KCNQ1OT1: variants seen among roughly 807,000 people sequenced by gnomAD.
The protein encoded by KCNQ1OT1 is KCNQ1 antisense RNA 2 (non-protein coding).
chr11:2,660,735 A>T, exon 1 of KCNQ1OT1: 1 of 398,646 alleles, frequency 2.5e-6, no homozygotes, highest in Non-Finnish European at 4.4e-6. Context: ...CACTTCATTC[A>T]GGCATGGATG....
chr11:2,667,200 C>T (rs1356637139), exon 1 of KCNQ1OT1: 7 of 398,750 alleles, frequency 1.8e-5, no homozygotes, highest in East Asian at 3.6e-5. Context: ...GTGGCGGCCC[C>T]CCGTGGCCCC....
rs780987577 is a variant in KCNQ1OT1 at position 2,674,094 on chromosome 11, G to A, written n.25901C>T. 2.3e-5 allele frequency: 9 copies of A among 398,590 alleles called. No homozygotes were observed. Among genetic ancestry groups the A allele is most frequent in the East Asian group, 2.1e-4 (6 of 28,080 alleles). 24.7% of individuals were successfully genotyped at this position (398,590 alleles called of 1,614,324 possible). ...GGGGCTTGGGCTAGGTCTCCCTGCCGGTGGGGAGGGAGGTGTGGAAGCTGG... is the reference window on the plus strand; with the variant it reads ...GGGGCTTGGGCTAGGTCTCCCTGCCAGTGGGGAGGGAGGTGTGGAAGCTGG... On this transcript the variant is annotated non_coding_transcript_exon_variant, in exon 1 of 1. Coordinates refer to ENST00000597346, the Ensembl canonical transcript of KCNQ1OT1. The surrounding 1 kb of genome is among the most constrained non-coding windows in gnomAD (Gnocchi z 5.9).
Position 2,645,996 on chromosome 11 carries a change from G to T in KCNQ1OT1, n.53999C>A, listed in dbSNP as rs2133836017. The T allele has an allele frequency of 2.5e-6, 1 of 398,648 alleles. No individual in the cohort carries two copies. The highest frequency in any genetic ancestry group is 1.3e-4 in the South Asian group (1 of 7,854). The allele number at this position is 398,648 out of a possible 1,614,324, so 24.7% of individuals were successfully genotyped here. On this transcript the variant is annotated non_coding_transcript_exon_variant, in exon 1 of 1. Transcript: ENST00000597346. The surrounding 1 kb of genome is among the most constrained non-coding windows in gnomAD (Gnocchi z 5.8). ...CTAGGATTTCAGGAGTCTGCTGTGG[G>T]AATGTGGACCACTAGGGGCTCACTT...
At chr11:2,660,168 G>A (rs994895450) in exon 1 of KCNQ1OT1, 4 of 397,774 alleles carry the variant, frequency 1.0e-5, no homozygotes, top group Admixed American at 8.8e-5. Context: ...GATATTTTAT[G>A]GTTTTATGTT....
At chr11:2,660,142 C>G in exon 1 of KCNQ1OT1, 1 of 398,272 alleles carries the variant, frequency 2.5e-6, no homozygotes, top group African/African-American at 2.1e-5. Context: ...GAGATTTTCT[C>G]TTATGTTTTC....
chr11:2,651,153 A>G lies in KCNQ1OT1; in HGVS notation n.48842T>C, dbSNP rs983494705. 7.5e-6 allele frequency: 3 copies of G among 398,598 alleles called. No homozygotes were observed. Among genetic ancestry groups the G allele is most frequent in the African/African-American group, 6.2e-5 (3 of 48,638 alleles). 24.7% of individuals were successfully genotyped at this position (398,598 alleles called of 1,614,324 possible). A position where few individuals can be genotyped will look rare whatever the true frequency, so the allele number is the denominator to read the frequency against. On this transcript the variant is annotated non_coding_transcript_exon_variant, in exon 1 of 1. Transcript: ENST00000597346. The surrounding 1 kb of genome is among the most constrained non-coding windows in gnomAD (Gnocchi z 6.1). ...CAGCTCAAGGGAGTTCTTTAAATGT[A>G]CAGTGGATCTTGCTGCTTCCCTACT...
At chr11:2,692,457 A>G (rs1239275763) in exon 1 of KCNQ1OT1, 4 of 398,570 alleles carry the variant, frequency 1.0e-5, no homozygotes, top group Non-Finnish European at 1.8e-5. Flanking sequence ...GTCTTGCTTA[A>G]TCCTGCAGCT....
chr11:2,646,703 A>C (rs1444419195), exon 1 of KCNQ1OT1: 4 of 398,380 alleles, frequency 1.0e-5, no homozygotes, highest in African/African-American at 4.1e-5. Context: ...TTTTGTACTG[A>C]TGAGGTTTTG....
Position 2,651,679 on chromosome 11 carries a change from C to G in KCNQ1OT1, n.48316G>C, listed in dbSNP as rs1169338588. ...AGCTCACTGACATTAGCCACGTGGCCCTCTGTTTCCTGTAATAGGCCATTT... is the reference window on the plus strand; with the variant it reads ...AGCTCACTGACATTAGCCACGTGGCGCTCTGTTTCCTGTAATAGGCCATTT... On this transcript the variant is annotated non_coding_transcript_exon_variant, in exon 1 of 1. Transcript: ENST00000597346. This position sits in a 1 kb window ranked among gnomAD's most constrained non-coding sequence, Gnocchi z 6.1. The G allele has an allele frequency of 2.5e-6, 1 of 398,514 alleles. No individual in the cohort carries two copies. Among genetic ancestry groups the G allele is most frequent in the Non-Finnish European group, 4.4e-6 (1 of 226,084 alleles). 24.7% of individuals were successfully genotyped at this position (398,514 alleles called of 1,614,324 possible).
Position 2,665,619 on chromosome 11 carries a change from C to T in KCNQ1OT1, n.34376G>A, listed in dbSNP as rs115788288. Reference sequence around the variant, plus strand: ...CCCCCCAGGACACACTTAGGCTGTACGGCTGTGTCCTCCTTTGGCTCTCAA... The same window carrying T: ...CCCCCCAGGACACACTTAGGCTGTATGGCTGTGTCCTCCTTTGGCTCTCAA... On this transcript the variant is annotated non_coding_transcript_exon_variant, in exon 1 of 1. Transcript: ENST00000597346. The T allele has an allele frequency of 3.7e-3, 1,461 of 397,374 alleles. 17 individuals are homozygous for T. Among genetic ancestry groups the T allele is most frequent in the African/African-American group, 0.027 (1,292 of 48,166 alleles). The allele number at this position is 397,374 out of a possible 1,614,324, so 24.6% of individuals were successfully genotyped here.
In KCNQ1OT1 at chr11:2,673,239, G is replaced by C; in HGVS notation, n.26756C>G. ...AGCTGAGTCCCCTGTAGATTCTGGG[G>C]ACTGGGTGATGCAGACTGCAAAGCC... On this transcript the variant is annotated non_coding_transcript_exon_variant, in exon 1 of 1. Transcript: ENST00000597346. The surrounding 1 kb of genome is among the most constrained non-coding windows in gnomAD (Gnocchi z 4.5). 1 of 398,672 alleles carries C rather than the reference G, an allele frequency of 2.5e-6. No homozygotes were observed. 24.7% of individuals were successfully genotyped at this position (398,672 alleles called of 1,614,324 possible).
rs1173955972 is a variant in KCNQ1OT1 at position 2,664,079 on chromosome 11, G to A, written n.35916C>T. 2.5e-6 allele frequency: 1 copy of A among 398,742 alleles called. No homozygotes were observed. The allele number at this position is 398,742 out of a possible 1,614,324, so 24.7% of individuals were successfully genotyped here. On this transcript the variant is annotated non_coding_transcript_exon_variant, in exon 1 of 1. Coordinates refer to ENST00000597346, the Ensembl canonical transcript of KCNQ1OT1. The surrounding 1 kb of genome is among the most constrained non-coding windows in gnomAD (Gnocchi z 5.1). ...TGGCCTCCAGTGATAAGTGGGCCCAGGCAGGTCAGAGACTCCAGTCATTAC... is the reference window on the plus strand; with the variant it reads ...TGGCCTCCAGTGATAAGTGGGCCCAAGCAGGTCAGAGACTCCAGTCATTAC...
rs983959515 is a variant in KCNQ1OT1 at position 2,671,908 on chromosome 11, C to T, written n.28087G>A. 13 of 398,574 alleles carry T rather than the reference C, an allele frequency of 3.3e-5. No homozygotes were observed. The highest frequency in any genetic ancestry group is 4.1e-5 in the African/African-American group (2 of 48,614). The allele number at this position is 398,574 out of a possible 1,614,324, so 24.7% of individuals were successfully genotyped here. A position where few individuals can be genotyped will look rare whatever the true frequency, so the allele number is the denominator to read the frequency against. On this transcript the variant is annotated non_coding_transcript_exon_variant, in exon 1 of 1. Coordinates refer to ENST00000597346, the Ensembl canonical transcript of KCNQ1OT1. This position sits in a 1 kb window ranked among gnomAD's most constrained non-coding sequence, Gnocchi z 4.7. ...CAGCACCAGGCAGCCAGCCTGTGGG[C>T]CCCGCTATGCTTCCTCAGGCAGCTA... is the stretch of plus-strand genomic sequence containing the variant.
chr11:2,613,277 T>C lies in KCNQ1OT1; in HGVS notation n.86718A>G. ...AGCAGGAAACCTCTCTGATCTCTCC[T>C]GCAAGCATGTACAACTTCCATATCT... On this transcript the variant is annotated non_coding_transcript_exon_variant, in exon 1 of 1. Coordinates refer to ENST00000597346, the Ensembl canonical transcript of KCNQ1OT1. This position sits in a 1 kb window ranked among gnomAD's most constrained non-coding sequence, Gnocchi z 4.8. The C allele has an allele frequency of 7.5e-6, 3 of 398,618 alleles. No individual in the cohort carries two copies. The highest frequency in any genetic ancestry group is 1.3e-5 in the Non-Finnish European group (3 of 226,064). The allele number at this position is 398,618 out of a possible 1,614,324, so 24.7% of individuals were successfully genotyped here. A position where few individuals can be genotyped will look rare whatever the true frequency, so the allele number is the denominator to read the frequency against.
chr11:2,693,626 C>A (rs567617500), exon 1 of KCNQ1OT1: 24 of 398,638 alleles, frequency 6.0e-5, no homozygotes, highest in African/African-American at 4.9e-4. Context: ...CTTCGCCCAG[C>A]CGTAGGAAAG....
At chr11:2,609,761 C>T in exon 1 of KCNQ1OT1, 1 of 398,130 alleles carries the variant, frequency 2.5e-6, no homozygotes, top group Non-Finnish European at 4.4e-6. Flanking sequence ...GACATTTTAT[C>T]ATTATGAGAT....
At chr11:2,637,044 T>G (rs919971364) in exon 1 of KCNQ1OT1, 1 of 152,218 alleles carries the variant, frequency 6.6e-6, no homozygotes, top group Non-Finnish European at 1.5e-5. Flanking sequence ...CCCTTTATCA[T>G]TTTTTATTGC....
At chr11:2,660,752 A>G (rs932148671) in exon 1 of KCNQ1OT1, 5 of 398,528 alleles carry the variant, frequency 1.3e-5, no homozygotes, top group Non-Finnish European at 2.2e-5. Context: ...GATGTGGGAA[A>G]GCTGGGGGAG....
Position 2,658,246 on chromosome 11 carries a change from C to T in KCNQ1OT1, n.41749G>A, listed in dbSNP as rs1480893843. ...ATCGTTTTCCTGCAGCAAATATTAC[C>T]GTGATGTACTTCTATTTTCCTCATT... On this transcript the variant is annotated non_coding_transcript_exon_variant, in exon 1 of 1. Coordinates refer to ENST00000597346, the Ensembl canonical transcript of KCNQ1OT1. The surrounding 1 kb of genome is among the most constrained non-coding windows in gnomAD (Gnocchi z 4.9). 20 of 398,402 alleles carry T rather than the reference C, an allele frequency of 5.0e-5. No individual in the cohort carries two copies. The highest frequency in any genetic ancestry group is 6.2e-4 in the Middle Eastern group (1 of 1,610). 24.7% of individuals were successfully genotyped at this position (398,402 alleles called of 1,614,324 possible). A position where few individuals can be genotyped will look rare whatever the true frequency, so the allele number is the denominator to read the frequency against.
Sources: allele counts gnomAD v4.1 joint callset, GRCh38; gene constraint gnomAD v4.1.1; non-coding constraint Gnocchi (gnomAD v3.1); transcripts MANE v1.5; gene names NCBI Gene and HGNC (gene_info 2026-07-23, HGNC 2026-07-21).